KIAA0232: variants seen among roughly 807,000 people sequenced by gnomAD.
The protein encoded by KIAA0232 is KIAA0232.
A neutral mutation model predicts 122.0 loss-of-function variants in KIAA0232; 27 were observed. The ratio of observed to expected loss-of-function variants is 0.22; its 90% confidence interval spans 0.16 to 0.31. KIAA0232 has a LOEUF of 0.31. Among genes scored for constraint, KIAA0232 ranks in the 10% least tolerant of loss-of-function variants. KIAA0232 has a pLI of 1.00. For synonymous variants in KIAA0232, 613 were observed against 587.6 expected (o/e 1.04, Z -0.63); for missense variants, 1,551 against 1,634.2 (o/e 0.95, Z 0.88).
At chr4:6,801,832 C>G (rs1410076586) in intron 1 of KIAA0232, among the ~76,000 whole-genome samples, 1 of 152,076 alleles carries the variant, frequency 6.6e-6, no homozygotes, top group South Asian at 2.1e-4. Flanking sequence ...ACAGGGCCTG[C>G]GAGGATGATC....
In KIAA0232 at chr4:6,882,472, AAC is replaced by A. The variant is rs1361947478; in HGVS notation, c.*1510_*1511del. ...TTTTGTTGCCTTTTTCTTAATTGAT[AAC>A]ACAGAAAAGAAAGTACCATCAAAGA... On this transcript the variant is annotated 3_prime_UTR_variant, in exon 10 of 10. Coordinates refer to ENST00000307659, the MANE Select transcript of KIAA0232 (RefSeq NM_014743.3). 6.6e-6 allele frequency: 1 copy of A among 152,070 alleles called. No individual in the cohort carries two copies. Among genetic ancestry groups the A allele is most frequent in the African/African-American group, 2.4e-5 (1 of 41,386 alleles). The allele number at this position is 152,070 out of a possible 1,614,324, so 9.4% of individuals were successfully genotyped here. A position where few individuals can be genotyped will look rare whatever the true frequency, so the allele number is the denominator to read the frequency against.
At chr4:6,815,196 T>C (rs990044147) in intron 2 of KIAA0232, among the ~76,000 whole-genome samples, 17 of 152,170 alleles carry the variant, frequency 1.1e-4, no homozygotes, top group Non-Finnish European at 2.2e-4. Context: ...TGTTTGCCAG[T>C]TGTGTTCCTC....
intron 4 of KIAA0232, among the ~76,000 whole-genome samples, chr4:6,848,037 T>C (rs1720062475): frequency 6.6e-6 from 1 of 152,198 alleles, no homozygotes; most frequent in Admixed American, 6.5e-5. Context: ...TACCATTCTT[T>C]TGGGGTGTTA....
At position 6,882,455 on chromosome 4, in the gene KIAA0232, C is replaced by T. The variant is rs1046877377; in HGVS notation, c.*1489C>T. The T allele has an allele frequency of 2.0e-5, 3 of 152,030 alleles. No homozygotes were observed. Among genetic ancestry groups the T allele is most frequent in the African/African-American group, 4.8e-5 (2 of 41,368 alleles). 9.4% of individuals were successfully genotyped at this position (152,030 alleles called of 1,614,324 possible). On this transcript the variant is annotated 3_prime_UTR_variant, in exon 10 of 10. Coordinates refer to ENST00000307659, the MANE Select transcript of KIAA0232 (RefSeq NM_014743.3). ...TGCTTTGAACATTTGGGTTTTGTTG[C>T]CTTTTTCTTAATTGATAACACAGAA... is the stretch of plus-strand genomic sequence containing the variant.
At chr4:6,804,796 A>G (rs1228497773) in intron 2 of KIAA0232, among the ~76,000 whole-genome samples, 190 bp downstream of exon 2, 1 of 152,250 alleles carries the variant, frequency 6.6e-6, no homozygotes, top group South Asian at 2.1e-4. Flanking sequence ...AATCCTGGGA[A>G]TTCTGGATAT....
intron 1 of KIAA0232, among the ~76,000 whole-genome samples, chr4:6,786,862 A>T (rs1716642955): frequency 6.6e-6 from 1 of 152,152 alleles, no homozygotes; most frequent in Non-Finnish European, 1.5e-5. Context: ...TTTTGGGCAG[A>T]GGGAACCAGA....
intron 2 of KIAA0232, among the ~76,000 whole-genome samples, chr4:6,822,878 C>T (rs935634761): frequency 2.5e-4 from 38 of 149,538 alleles, no homozygotes; most frequent in Non-Finnish European, 5.5e-4. Flanking sequence ...GCTGCACCCA[C>T]TAACTCGTCA....
chr4:6,788,943 AAAG>A (rs1716753712), intron 1 of KIAA0232, among the ~76,000 whole-genome samples: 1 of 151,512 alleles, frequency 6.6e-6, no homozygotes, highest in Non-Finnish European at 1.5e-5. Flanking sequence ...GTGTGTGTGT[AAAG>A]AAAAAAATCT....
Position 6,863,084 on chromosome 4 carries a change from G to T in KIAA0232, c.2702G>T (p.Ser901Ile), listed in dbSNP as rs768776366. 2 of 1,614,246 alleles carry T rather than the reference G, an allele frequency of 1.2e-6. No individual in the cohort carries two copies. The highest frequency in any genetic ancestry group is 4.5e-5 in the East Asian group (2 of 44,892). Residue 901 changes from serine to isoleucine, a missense_variant, in exon 7 of 10, where the codon AGT (serine) becomes ATT (isoleucine). By Grantham distance (142) the Ser-to-Ile change is moderately radical (BLOSUM62 -2). Around this residue, in one of 5 missense-constraint regions of KIAA0232, gnomAD observed 1,108 missense variants for 1,154.8 expected, o/e 0.96. Coordinates refer to ENST00000307659, the MANE Select transcript of KIAA0232 (RefSeq NM_014743.3). Reference sequence around the variant, plus strand: ...CTGGAGAAAAGAGCATTTGCTTCTAGTGAGCTATCAAACGTGGATGGTGGT... The same window carrying T: ...CTGGAGAAAAGAGCATTTGCTTCTATTGAGCTATCAAACGTGGATGGTGGT... The part of the protein sequence containing the change: ...ESLEKRAFAS[S>I]ELSNVDGGDY...
intron 1 of KIAA0232, among the ~76,000 whole-genome samples, chr4:6,798,565 T>C (rs1691692433): frequency 1.3e-5 from 2 of 152,324 alleles, no homozygotes; most frequent in South Asian, 4.2e-4. Context: ...TTACATGCTT[T>C]ATTTTTGAGA....
intron 1 of KIAA0232, among the ~76,000 whole-genome samples, chr4:6,796,694 A>G (rs917854306): frequency 2.6e-5 from 4 of 152,258 alleles, no homozygotes; most frequent in African/African-American, 4.8e-5. Flanking sequence ...TATGGCCCTT[A>G]AAAGTTTGGT....
chr4:6,826,964 A>G lies in KIAA0232; in HGVS notation c.231+2280A>G, dbSNP rs557382424. Among the ~76,000 whole-genome samples the G allele has an allele frequency of 1.2e-4, 19 of 152,294 alleles. No individual in the cohort carries two copies. In the East Asian group the frequency reaches 3.5e-3, roughly 28 times the overall value. The stretch of plus-strand genomic sequence containing the variant: ...GTTGTGGTCAGAGATAAGATGAACT[A>G]TCAGTATCTGCAGCTGTGTTTGATC... On this transcript the variant is annotated intron_variant, in intron 3 of 9. Coordinates refer to ENST00000307659, the MANE Select transcript of KIAA0232 (RefSeq NM_014743.3).
intron 1 of KIAA0232, among the ~76,000 whole-genome samples, chr4:6,792,689 T>G (rs575848887): frequency 1.5e-4 from 19 of 124,230 alleles, no homozygotes; most frequent in Admixed American, 1.2e-3. Flanking sequence ...AGGTTTTTTT[T>G]TTTTTGTTTT....
intron 3 of KIAA0232, among the ~76,000 whole-genome samples, chr4:6,835,429 TC>T (rs1719210972): frequency 6.6e-6 from 1 of 152,172 alleles, no homozygotes; most frequent in Admixed American, 6.5e-5. Context: ...CTACGATTTT[TC>T]CAAAGAAAAA....
intron 4 of KIAA0232, among the ~76,000 whole-genome samples, chr4:6,850,353 G>A (rs1429739057): frequency 6.6e-6 from 1 of 152,052 alleles, no homozygotes; most frequent in African/African-American, 2.4e-5. Flanking sequence ...ATCATACCCC[G>A]CTTGGTGTTT....
chr4:6,877,144 T>C (rs1454091339), intron 9 of KIAA0232, among the ~76,000 whole-genome samples: 1 of 152,174 alleles, frequency 6.6e-6, no homozygotes, highest in Non-Finnish European at 1.5e-5. Context: ...TCTTTGAAAG[T>C]GCACCCTGAG....
intron 9 of KIAA0232, among the ~76,000 whole-genome samples, chr4:6,878,438 G>A (rs975714305): frequency 6.8e-6 from 1 of 146,272 alleles, no homozygotes; most frequent in Non-Finnish European, 1.5e-5. Context: ...CATAAATCTT[G>A]TGTCACATGA....
rs574140572 is a variant in KIAA0232 at position 6,825,606 on chromosome 4, A to G, written c.231+922A>G. On this transcript the variant is annotated intron_variant, in intron 3 of 9. Coordinates refer to ENST00000307659, the MANE Select transcript of KIAA0232 (RefSeq NM_014743.3). ...GAGAGAGAGAGAGAAAGAGAAAGCA[A>G]GAGAAACCAAATACAGGTTCTTGAA... Among the ~76,000 whole-genome samples the G allele has an allele frequency of 2.0e-4, 30 of 152,238 alleles. No individual in the cohort carries two copies. The South Asian group carries it at 6.2e-3, about 32-fold the overall frequency.
intron 2 of KIAA0232, among the ~76,000 whole-genome samples, chr4:6,804,968 C>T (rs901594112): frequency 1.3e-5 from 2 of 152,158 alleles, no homozygotes; most frequent in Non-Finnish European, 2.9e-5. Flanking sequence ...CTTGGAGGTT[C>T]CGGGTGCATA....
Sources: gnomAD v4.1 joint callset for allele counts (sites outside exome capture counted in the v4.1 genomes callset) on GRCh38, gnomAD v4.1.1 for gene constraint, gnomAD v4.1.1 regional missense constraint, MANE v1.5 for transcripts, NCBI Gene and HGNC (gene_info 2026-07-23, HGNC 2026-07-21) for gene names.